Variants in CCL28 observed in about 807,000 individuals in gnomAD.
The protein encoded by CCL28 is C-C motif chemokine ligand 28.
Under a neutral mutation model 7.1 loss-of-function variants are expected in CCL28, and 4 were observed. The observed-to-expected ratio is 0.56, with a 90% CI of 0.28 to 1.29. CCL28 has a LOEUF of 1.29. Ranked by LOEUF, CCL28 falls within the 50% of genes most tolerant of loss-of-function variation. The probability of loss-of-function intolerance (pLI) is 0.11; values close to 1 mark genes in which losing one functional copy is unlikely to be tolerated. For missense variants in CCL28, 151 were observed against 163.4 expected (o/e 0.92, Z 0.41); for synonymous variants, 55 against 57.8 (o/e 0.95, Z 0.22).
intron 1 of CCL28, among the ~76,000 whole-genome samples, chr5:43,406,344 T>G (rs1395104829): frequency 6.6e-6 from 1 of 152,022 alleles, no homozygotes; most frequent in Non-Finnish European, 1.5e-5. Flanking sequence ...TGGTTCAACA[T>G]ACACAAATCA....
intron 1 of CCL28, among the ~76,000 whole-genome samples, chr5:43,390,497 G>C (rs1323009145): frequency 6.6e-6 from 1 of 152,204 alleles, no homozygotes; most frequent in African/African-American, 2.4e-5. Context: ...TTTGGGAAGG[G>C]CAAAGCCCAA....
intron 1 of CCL28, among the ~76,000 whole-genome samples, chr5:43,406,299 A>G (rs1275253473): frequency 6.6e-6 from 1 of 152,100 alleles, no homozygotes; most frequent in Non-Finnish European, 1.5e-5. Flanking sequence ...CTTATCCACC[A>G]TGATCAAGTG....
intron 1 of CCL28, among the ~76,000 whole-genome samples, chr5:43,404,776 C>T (rs915636913): frequency 2.0e-5 from 3 of 152,072 alleles, no homozygotes; most frequent in Admixed American, 6.6e-5. Flanking sequence ...ATCTCAAGTG[C>T]AGGGACACAC....
the CCL28 span, among the ~76,000 whole-genome samples, chr5:43,357,230 T>G: frequency 6.6e-6 from 1 of 152,196 alleles, no homozygotes; most frequent in Non-Finnish European, 1.5e-5. Context: ...GCATCACATC[T>G]GCTAACATGC....
At chr5:43,398,198 A>G (rs1027558791) in intron 1 of CCL28, among the ~76,000 whole-genome samples, 2 of 144,822 alleles carry the variant, frequency 1.4e-5, no homozygotes, top group African/African-American at 5.2e-5. Flanking sequence ...GGCGCCTACA[A>G]TTAGCAATTA....
downstream of CCL28, among the ~76,000 whole-genome samples, chr5:43,374,080 A>G (rs1364113832): frequency 2.0e-5 from 3 of 152,242 alleles, no homozygotes; most frequent in African/African-American, 4.8e-5. Flanking sequence ...GAAGTTGGTC[A>G]TCTCAAGAGT....
intron 2 of CCL28, among the ~76,000 whole-genome samples, chr5:43,384,968 C>T (rs978462673): frequency 6.6e-6 from 1 of 151,478 alleles, no homozygotes; most frequent in South Asian, 2.1e-4. Flanking sequence ...GCGACCTTGG[C>T]TCACTGCAGG....
intron 2 of CCL28, among the ~76,000 whole-genome samples, chr5:43,385,365 G>A (rs1203691391): frequency 3.3e-5 from 5 of 152,180 alleles, no homozygotes; most frequent in African/African-American, 1.2e-4. Context: ...AGAAAAGAAA[G>A]AAGCCTAGTA....
chr5:43,386,403 A>G (rs1411295731), intron 2 of CCL28, among the ~76,000 whole-genome samples: 1 of 152,206 alleles, frequency 6.6e-6, no homozygotes, highest in Non-Finnish European at 1.5e-5. Context: ...AGTGCCACAG[A>G]TGATGCTGGT....
downstream of CCL28, among the ~76,000 whole-genome samples, chr5:43,377,716 A>AATTTTTT (rs1561151287): frequency 4.4e-5 from 2 of 45,654 alleles, no homozygotes; most frequent in Non-Finnish European, 8.7e-5. Flanking sequence ...TAGAACTTAA[A>AATTTTTT]CTTTTTTTTT....
intron 1 of CCL28, among the ~76,000 whole-genome samples, chr5:43,411,605 A>G (rs1270306078): frequency 2.0e-5 from 3 of 151,808 alleles, no homozygotes; most frequent in Admixed American, 2.0e-4. Flanking sequence ...GTGGCAATTC[A>G]GAGTGCAGTG....
the CCL28 span, among the ~76,000 whole-genome samples, chr5:43,370,098 T>C: frequency 1.3e-5 from 2 of 152,186 alleles, no homozygotes; most frequent in Non-Finnish European, 2.9e-5. Flanking sequence ...GTCCCAACCA[T>C]CTGACTGTAC....
At position 43,389,686 on chromosome 5, in the gene CCL28, T is replaced by C. The variant is rs75237334; in HGVS notation, c.65-1210A>G. ...GCCTATATATACTTAGTAAACTGGA[T>C]TGCATTTCTCAAATATTAATATAAA... On this transcript the variant is annotated intron_variant, in intron 1 of 2. Transcript: ENST00000361115. 4.8e-3 allele frequency among the ~76,000 whole-genome samples: 728 copies of C among 152,292 alleles called. 2 individuals are homozygous for C. Among genetic ancestry groups the C allele is most frequent in the African/African-American group, 0.017 (692 of 41,554 alleles).
intron 2 of CCL28, among the ~76,000 whole-genome samples, chr5:43,384,384 A>G (rs1740252942): frequency 6.6e-6 from 1 of 152,220 alleles, no homozygotes; most frequent in Non-Finnish European, 1.5e-5. Flanking sequence ...CTACCAGAAT[A>G]CAGCTCCCAA....
intron 1 of CCL28, among the ~76,000 whole-genome samples, chr5:43,391,679 A>G (rs1015162504): frequency 6.6e-6 from 1 of 152,212 alleles, no homozygotes; most frequent in Non-Finnish European, 1.5e-5. Flanking sequence ...GTTACAAGCA[A>G]GGCTACAACA....
Position 43,379,376 on chromosome 5 carries a change from CATATT to C in CCL28, c.*2479_*2483del, listed in dbSNP as rs1204059197. On this transcript the variant is annotated 3_prime_UTR_variant, in exon 3 of 3. Coordinates refer to ENST00000361115, the MANE Select transcript of CCL28 (RefSeq NM_148672.3). ...GTTTATTAATATTTTAAGTTACTCT[CATATT>C]ATATTTTATTAATTTTTTCTTATTT... The C allele has an allele frequency of 2.0e-5, 3 of 152,100 alleles. No homozygotes were observed. Among genetic ancestry groups the C allele is most frequent in the Non-Finnish European group, 2.9e-5 (2 of 68,022 alleles). 9.4% of individuals were successfully genotyped at this position (152,100 alleles called of 1,614,324 possible). A position where few individuals can be genotyped will look rare whatever the true frequency, so the allele number is the denominator to read the frequency against.
intron 1 of CCL28, among the ~76,000 whole-genome samples, chr5:43,407,101 A>T (rs1468193588): frequency 6.6e-6 from 1 of 152,238 alleles, no homozygotes; most frequent in Non-Finnish European, 1.5e-5. Flanking sequence ...CATCCCCATG[A>T]AGCTACCAGT....
intron 1 of CCL28, among the ~76,000 whole-genome samples, chr5:43,402,093 A>G (rs1340678197): frequency 6.6e-6 from 1 of 152,216 alleles, no homozygotes; most frequent in Non-Finnish European, 1.5e-5. Flanking sequence ...GTGGATATCC[A>G]GCATGTTCTG....
At chr5:43,370,244 T>A in the CCL28 span, among the ~76,000 whole-genome samples, 1 of 152,256 alleles carries the variant, frequency 6.6e-6, no homozygotes, top group Admixed American at 6.5e-5. Flanking sequence ...TAGACGGCAA[T>A]ATATAATTCA....
Sources: gnomAD v4.1 joint callset for allele counts (sites outside exome capture counted in the v4.1 genomes callset) on GRCh38, gnomAD v4.1.1 for gene constraint, MANE v1.5 for transcripts, NCBI Gene and HGNC (gene_info 2026-07-23, HGNC 2026-07-21) for gene names.